The following UTRN variants were observed in gnomAD, a reference collection of about 807,000 sequenced individuals.
The protein encoded by UTRN is utrophin.
In UTRN, 283 loss-of-function variants were observed where a neutral mutation model predicts 463.9. The ratio of observed to expected loss-of-function variants is 0.61; its 90% CI spans 0.55 to 0.67. The LOEUF is 0.67. UTRN is among the 30% of genes least tolerant of loss of function. UTRN has a pLI of 0.00. For missense variants in UTRN, 3,922 were observed against 4,084.3 expected, an observed-to-expected ratio of 0.96 and a Z score of 1.08; for synonymous variants, 1,442 against 1,431.5, an observed-to-expected ratio of 1.01 and a Z score of -0.17.
At chr6:144,474,511 G>A (rs555012574) in intron 24 of UTRN, 93 bp from the exon 25 acceptor site, 75 of 1,305,724 alleles carry the variant, frequency 5.7e-5, no homozygotes, top group Non-Finnish European at 7.6e-5. Flanking sequence ...CAGTCTGCTT[G>A]TGTAATATTT....
At chr6:144,819,911 C>CTCT (rs1554406066) in intron 65 of UTRN, among the ~76,000 whole-genome samples, 47 of 118,634 alleles carry the variant, frequency 4.0e-4, no homozygotes, top group South Asian at 3.3e-3. Flanking sequence ...TCCTCCTCCT[C>CTCT]CTCTCTCTCT....
chr6:144,287,901 T>G (rs1803846594), intron 1 of UTRN, among the ~76,000 whole-genome samples: 1 of 152,220 alleles, frequency 6.6e-6, no homozygotes, highest in Admixed American at 6.5e-5. Context: ...AAGCAACATC[T>G]CATTCATTGA....
chr6:144,753,371 T>C (rs1791607470), intron 56 of UTRN, among the ~76,000 whole-genome samples: 1 of 152,166 alleles, frequency 6.6e-6, no homozygotes, highest in African/African-American at 2.4e-5. Flanking sequence ...TCCCAACATT[T>C]TGTGAGGCTG....
chr6:144,821,870 A>G (rs1779634821), intron 66 of UTRN, among the ~76,000 whole-genome samples: 1 of 152,114 alleles, frequency 6.6e-6, no homozygotes, highest in Non-Finnish European at 1.5e-5. Flanking sequence ...GGGGAAAATG[A>G]ACTTTTATTA....
At chr6:144,433,322 C>T (rs1786102440) in intron 9 of UTRN, among the ~76,000 whole-genome samples, 1 of 151,078 alleles carries the variant, frequency 6.6e-6, no homozygotes, top group Admixed American at 6.6e-5. Flanking sequence ...GGGCTGAACC[C>T]CCCACCTCCC....
intron 13 of UTRN, among the ~76,000 whole-genome samples, chr6:144,442,682 A>G (rs1407441680): frequency 1.3e-5 from 2 of 152,194 alleles, no homozygotes; most frequent in Non-Finnish European, 2.9e-5. Context: ...CTTATTCACT[A>G]TAATGAGAAC....
chr6:144,754,136 TTATC>T (rs1586395103), intron 56 of UTRN, among the ~76,000 whole-genome samples: 1 of 152,142 alleles, frequency 6.6e-6, no homozygotes, highest in African/African-American at 2.4e-5. Context: ...ATATAATCTA[TTATC>T]TATCTAACTA....
intron 39 of UTRN, among the ~76,000 whole-genome samples, chr6:144,517,162 ATTTC>A (rs1486105765): frequency 4.0e-5 from 6 of 151,828 alleles, no homozygotes; most frequent in Non-Finnish European, 7.4e-5. Context: ...TCTCTTTTGG[ATTTC>A]TGATTATGTT....
chr6:144,775,318 C>T (rs1775227072), intron 60 of UTRN, among the ~76,000 whole-genome samples: 1 of 152,044 alleles, frequency 6.6e-6, no homozygotes, highest in Non-Finnish European at 1.5e-5. Context: ...AATAGCAATG[C>T]AAAGCTTGAA....
intron 51 of UTRN, among the ~76,000 whole-genome samples, chr6:144,636,993 G>T (rs886731149): frequency 6.6e-6 from 1 of 152,098 alleles, no homozygotes; most frequent in African/African-American, 2.4e-5. Flanking sequence ...TTTTTGAGAC[G>T]GAGTCTTCAT....
At chr6:144,705,727 A>G (rs553238280) in intron 53 of UTRN, among the ~76,000 whole-genome samples, 3 of 152,340 alleles carry the variant, frequency 2.0e-5, no homozygotes, top group South Asian at 2.1e-4. Flanking sequence ...TGTTCTGACA[A>G]TCAAATGAAA....
chr6:144,661,479 C>T (rs941437740), intron 51 of UTRN, among the ~76,000 whole-genome samples: 28 of 152,154 alleles, frequency 1.8e-4, no homozygotes, highest in Non-Finnish European at 3.5e-4. Context: ...TTCGACCTCT[C>T]GCTTTAATAT....
At chr6:144,290,526 C>T (rs1268319451) in intron 1 of UTRN, among the ~76,000 whole-genome samples, 1 of 152,042 alleles carries the variant, frequency 6.6e-6, no homozygotes, top group East Asian at 1.9e-4. Context: ...GCATGATGCC[C>T]CATGATTGGT....
intron 2 of UTRN, among the ~76,000 whole-genome samples, chr6:144,312,390 C>G (rs367550339): frequency 2.7e-5 from 4 of 150,376 alleles, no homozygotes; most frequent in African/African-American, 9.8e-5. Context: ...CGCCACTGCA[C>G]TCCAGCCTGG....
intron 2 of UTRN, among the ~76,000 whole-genome samples, chr6:144,376,763 A>G (rs1343830325): frequency 6.6e-6 from 1 of 152,202 alleles, no homozygotes; most frequent in Non-Finnish European, 1.5e-5. Flanking sequence ...ATTATGTATA[A>G]AATTGCTATA....
chr6:144,806,505 A>G lies in UTRN; in HGVS notation c.9357+3358A>G, dbSNP rs544292631. Among the ~76,000 whole-genome samples the G allele has an allele frequency of 2.0e-5, 3 of 152,308 alleles. No individual in the cohort carries two copies. In the East Asian group the frequency reaches 5.8e-4, roughly 29 times the overall value. On this transcript the variant is annotated intron_variant, in intron 65 of 74. Coordinates refer to ENST00000367545, the MANE Select transcript of UTRN (RefSeq NM_007124.3). ...GTAAAATAACTAGAAATATATGTAAATTGAATCTTTAAAAAGATACTTGCA... is the reference window on the plus strand; with the variant it reads ...GTAAAATAACTAGAAATATATGTAAGTTGAATCTTTAAAAAGATACTTGCA...
At chr6:144,622,083 T>C (rs1382975112) in intron 51 of UTRN, among the ~76,000 whole-genome samples, 1 of 152,016 alleles carries the variant, frequency 6.6e-6, no homozygotes, top group East Asian at 1.9e-4. Flanking sequence ...AACAGTTGAA[T>C]ATTTTCTATT....
chr6:144,730,577 A>T, intron 54 of UTRN, 91 bp downstream of exon 54: 12 of 1,339,562 alleles, frequency 9.0e-6, no homozygotes, highest in Non-Finnish European at 1.2e-5. Context: ...ACAGCATTTT[A>T]GGATCTAATA....
At chr6:144,594,245 C>G (rs960121204) in intron 51 of UTRN, among the ~76,000 whole-genome samples, 1 of 151,598 alleles carries the variant, frequency 6.6e-6, no homozygotes, top group African/African-American at 2.4e-5. Flanking sequence ...CTATGTAGAG[C>G]TTTGCTCTTA....
Sources: gnomAD v4.1 joint callset for allele counts (sites outside exome capture counted in the v4.1 genomes callset) on GRCh38, gnomAD v4.1.1 for gene constraint, MANE v1.5 for transcripts, NCBI Gene and HGNC (gene_info 2026-07-23, HGNC 2026-07-21) for gene names.